Variants in EYA2 observed in about 807,000 individuals in gnomAD.
EYA2 encodes the protein protein phosphatase EYA2.
A neutral mutation model predicts 69.2 loss-of-function variants in EYA2; 31 were observed. That is an observed-to-expected ratio of 0.45 (90% CI 0.34 to 0.60). EYA2 has a LOEUF of 0.60. EYA2 is among the 20% of genes least tolerant of loss of function. The probability of loss-of-function intolerance (pLI) is 0.02; values close to 1 mark genes in which losing one functional copy is unlikely to be tolerated. For synonymous variants in EYA2, 257 were observed against 279.4 expected, an observed-to-expected ratio of 0.92 and a Z score of 0.80; for missense variants, 622 against 701.2, an observed-to-expected ratio of 0.89 and a Z score of 1.28.
chr20:47,188,098 G>T lies in EYA2; in HGVS notation c.1582G>T (p.Ala528Ser). 6.3e-7 allele frequency: 1 copy of T among 1,587,430 alleles called. No homozygotes were observed. Among genetic ancestry groups the T allele is most frequent in the East Asian group, 2.3e-5 (1 of 43,774 alleles). The change falls in exon 16 of 16, where the codon GCA becomes TCA. Residue 528 changes from alanine (A) to serine (S), a missense_variant. Ala to Ser is a moderately conservative substitution (Grantham distance 99). This residue lies in a region of EYA2 where 257 missense variants were observed against 351.5 expected (regional missense o/e 0.73). Coordinates refer to ENST00000327619, the MANE Select transcript of EYA2 (RefSeq NM_005244.5). ...GATATCCTGCCACGCAGACCTGGAG[G>T]CACTGAGGCACGCCCTGGAGCTGGA... ...WRISCHADLE[A>S]LRHALELEYL
At chr20:47,170,007 G>A (rs2034286395) in intron 11 of EYA2, among the ~76,000 whole-genome samples, 1 of 152,042 alleles carries the variant, frequency 6.6e-6, no homozygotes, top group Admixed American at 6.6e-5. Context: ...CCAGGCTCAA[G>A]CAATTCTCCT....
At chr20:47,107,017 G>A (rs564913133) in intron 9 of EYA2, among the ~76,000 whole-genome samples, 9 of 152,264 alleles carry the variant, frequency 5.9e-5, no homozygotes, top group South Asian at 4.1e-4. Context: ...CAACAAACCC[G>A]TGAATCAACC....
chr20:47,188,199 C>T lies in EYA2; in HGVS notation c.*66C>T. On this transcript the variant is annotated 3_prime_UTR_variant, in exon 16 of 16. Coordinates refer to ENST00000327619, the MANE Select transcript of EYA2 (RefSeq NM_005244.5). ...CCCCCTCGCCTTCCCCACCTCCCCA[C>T]CGAGAACTCCAGAGACCCAGATGTT... The T allele has an allele frequency of 6.8e-7, 1 of 1,461,990 alleles. No homozygotes were observed. Among genetic ancestry groups the T allele is most frequent in the Non-Finnish European group, 9.3e-7 (1 of 1,077,848 alleles). The allele number at this position is 1,461,990 out of a possible 1,614,324, so 90.6% of individuals were successfully genotyped here.
At chr20:46,899,198 C>A (rs1302895400) in intron 1 of EYA2, among the ~76,000 whole-genome samples, 1 of 152,216 alleles carries the variant, frequency 6.6e-6, no homozygotes, top group Non-Finnish European at 1.5e-5. Flanking sequence ...TATGCCTTAT[C>A]CATGTGCAAT....
intron 10 of EYA2, among the ~76,000 whole-genome samples, chr20:47,159,744 C>A (rs1366923354): frequency 3.3e-5 from 5 of 152,024 alleles, no homozygotes; most frequent in Admixed American, 2.0e-4. Flanking sequence ...AATCCCAGCA[C>A]TTTGGGAGGC....
intron 8 of EYA2, among the ~76,000 whole-genome samples, chr20:47,094,369 C>T (rs185055171): frequency 2.5e-3 from 381 of 152,246 alleles, no homozygotes; most frequent in Non-Finnish European, 4.3e-3. Context: ...TACCATGACC[C>T]GTAATAAGAA....
chr20:47,118,429 T>C (rs1489437349), intron 9 of EYA2, among the ~76,000 whole-genome samples: 1 of 152,106 alleles, frequency 6.6e-6, no homozygotes, highest in African/African-American at 2.4e-5. Context: ...ACATCTGCAG[T>C]TGTCATTTTG....
chr20:47,003,636 T>C (rs1982514901), intron 3 of EYA2, among the ~76,000 whole-genome samples: 1 of 152,208 alleles, frequency 6.6e-6, no homozygotes, highest in Non-Finnish European at 1.5e-5. Flanking sequence ...GGAAAAAAAA[T>C]AACTTCACTG....
At chr20:47,051,767 G>T (rs1383882214) in intron 5 of EYA2, among the ~76,000 whole-genome samples, 1 of 152,208 alleles carries the variant, frequency 6.6e-6, no homozygotes, top group African/African-American at 2.4e-5. Context: ...TCAGTATCCT[G>T]CTTAGGACAG....
chr20:47,154,749 A>T (rs1023761635), intron 10 of EYA2, among the ~76,000 whole-genome samples: 1 of 151,698 alleles, frequency 6.6e-6, no homozygotes, highest in East Asian at 2.0e-4. Context: ...GGAAGTCCCA[A>T]TGTTCATGGA....
At chr20:46,992,363 A>G (rs1020600246) in intron 2 of EYA2, among the ~76,000 whole-genome samples, 2 of 152,208 alleles carry the variant, frequency 1.3e-5, no homozygotes, top group Admixed American at 6.5e-5. Flanking sequence ...ATTTGAACCT[A>G]GATAGTCTGA....
At chr20:46,987,134 A>G (rs1049666221) in intron 1 of EYA2, among the ~76,000 whole-genome samples, 1 of 152,204 alleles carries the variant, frequency 6.6e-6, no homozygotes, top group African/African-American at 2.4e-5. Flanking sequence ...CAGATACTAA[A>G]TACCTTCGGC....
intron 2 of EYA2, among the ~76,000 whole-genome samples, chr20:46,997,054 C>T (rs6018218): frequency 2.0e-5 from 3 of 151,948 alleles, no homozygotes; most frequent in Admixed American, 1.3e-4. Context: ...CCTTTCCCCC[C>T]ACAAAGCGGG....
At chr20:47,077,263 A>G (rs1206819) in intron 7 of EYA2, among the ~76,000 whole-genome samples, 123,319 of 152,186 alleles carry the variant, frequency 0.81, 50,528 homozygotes, top group African/African-American at 0.93. Context: ...CACAGAACTT[A>G]GTATGTAACA....
chr20:46,969,285 T>C (rs1402890822), intron 1 of EYA2, among the ~76,000 whole-genome samples: 1 of 152,156 alleles, frequency 6.6e-6, no homozygotes, highest in East Asian at 1.9e-4. Flanking sequence ...TGATGCAATC[T>C]TGGCTCACTG....
At chr20:47,004,246 G>A (rs1322803234) in intron 3 of EYA2, among the ~76,000 whole-genome samples, 1 of 152,160 alleles carries the variant, frequency 6.6e-6, no homozygotes, top group African/African-American at 2.4e-5. Context: ...GATTAAGAAT[G>A]GGACAGATTC....
At chr20:47,016,759 C>G (rs1983437677) in intron 5 of EYA2, among the ~76,000 whole-genome samples, 1 of 152,190 alleles carries the variant, frequency 6.6e-6, no homozygotes, top group Admixed American at 6.5e-5. Flanking sequence ...AGGGAAATGT[C>G]TGGATGTATT....
chr20:47,005,343 G>A (rs960359533), intron 4 of EYA2, among the ~76,000 whole-genome samples: 9 of 152,226 alleles, frequency 5.9e-5, no homozygotes, highest in South Asian at 2.1e-4. Context: ...TTTGCATACC[G>A]AGAGATCTGT....
chr20:47,146,661 A>G (rs2033707258), intron 10 of EYA2, among the ~76,000 whole-genome samples: 1 of 152,226 alleles, frequency 6.6e-6, no homozygotes, highest in Admixed American at 6.5e-5. Context: ...AATCTAAAGC[A>G]CAGCCTTCTG....
Sources: allele counts gnomAD v4.1 joint callset (sites outside exome capture counted in the v4.1 genomes callset), GRCh38; gene constraint gnomAD v4.1.1; regional missense constraint gnomAD v4.1.1; transcripts MANE v1.5; gene names NCBI Gene and HGNC (gene_info 2026-07-23, HGNC 2026-07-21).